The following SMARCE1 variants were observed in gnomAD, a reference collection of about 807,000 sequenced individuals.
SMARCE1 encodes the protein SWI/SNF related BAF chromatin remodeling complex subunit E1.
Under a neutral mutation model 54.9 loss-of-function variants are expected in SMARCE1, and 13 were observed. The observed-to-expected ratio is 0.24, with a 90% CI of 0.15 to 0.38. The LOEUF (loss-of-function observed/expected upper bound fraction) is 0.38, where lower values mean the gene tolerates loss of function less well. SMARCE1 is among the 10% of genes least tolerant of loss of function. The pLI is 1.00. For missense variants in SMARCE1, 295 were observed against 523.8 expected, an observed-to-expected ratio of 0.56 and a Z score of 4.26; for synonymous variants, 151 against 175.3, an observed-to-expected ratio of 0.86 and a Z score of 1.10.
intron 4 of SMARCE1, chr17:40,640,906 A>G (rs1479831687): frequency 6.6e-6 from 1 of 152,232 alleles, no homozygotes; most frequent in Non-Finnish European, 1.5e-5. Context: ...TAGGGAGTAC[A>G]CTTTCTCTTC....
intron 7 of SMARCE1, 48 bp downstream of exon 7, chr17:40,635,883 T>G: frequency 7.3e-7 from 1 of 1,371,022 alleles, no homozygotes; most frequent in Non-Finnish European, 9.8e-7. Flanking sequence ...TTCTCATATC[T>G]TAACTCACAG....
At chr17:40,636,293 G>T in intron 6 of SMARCE1, 102 bp downstream of exon 6, 1 of 1,285,412 alleles carries the variant, frequency 7.8e-7, no homozygotes, top group Non-Finnish European at 1.1e-6. Context: ...CCTCAGTACT[G>T]CATCAGTGTT....
intron 7 of SMARCE1, chr17:40,632,815 G>GC (rs1379559388): frequency 6.5e-6 from 1 of 153,432 alleles, no homozygotes; most frequent in Admixed American, 6.5e-5. Flanking sequence ...GAATGAAAAT[G>GC]CCCATTTGTA....
At chr17:40,634,755 T>C (rs1468101779) in intron 7 of SMARCE1, 6 of 152,200 alleles carry the variant, frequency 3.9e-5, no homozygotes. Flanking sequence ...CTACTTACGT[T>C]GCTAGCCTTT....
At chr17:40,637,264 G>GA in intron 5 of SMARCE1, 1 of 540,940 alleles carries the variant, frequency 1.8e-6, no homozygotes, top group South Asian at 2.1e-5. Flanking sequence ...AATGGCTATA[G>GA]AACATTCTAT....
chr17:40,644,015 G>C (rs1299039380), intron 3 of SMARCE1: 16 of 154,132 alleles, frequency 1.0e-4, no homozygotes, highest in Non-Finnish European at 1.5e-5. Context: ...AGAAGTAATG[G>C]AAAGAAAAAA....
At chr17:40,629,057 T>A (rs1358838625) in intron 10 of SMARCE1, 64 bp from the exon 11 acceptor site, 2 of 1,361,926 alleles carry the variant, frequency 1.5e-6, no homozygotes, top group African/African-American at 1.4e-5. Context: ...ATGCTGACAG[T>A]ATACAGCTGT....
rs1446409405 is a variant in SMARCE1 at position 40,642,931 on chromosome 17, A to G, written c.52-372T>C. ...AGCAATATATGAAGACTGAAATAGG[A>G]AGGCTTGAAGTGTGATCAACTAGAA... On this transcript the variant is annotated intron_variant, in intron 3 of 10. Transcript: ENST00000348513. This position sits in a 1 kb window ranked among gnomAD's most constrained non-coding sequence, Gnocchi z 4.6. 5.8e-6 allele frequency: 1 copy of G among 172,922 alleles called. No homozygotes were observed. Among genetic ancestry groups the G allele is most frequent in the Non-Finnish European group, 1.2e-5 (1 of 82,734 alleles). The allele number at this position is 172,922 out of a possible 1,614,324, so 10.7% of individuals were successfully genotyped here.
In SMARCE1 at chr17:40,626,482, A is replaced by G. The variant is rs546657247; in HGVS notation, c.*2303T>C. ...ACCTCTACCATATCCCACATTCTCT[A>G]AACTGAGAACCATCTCAAACATCAA... is the stretch of plus-strand genomic sequence containing the variant. On this transcript the variant is annotated 3_prime_UTR_variant, in exon 11 of 11. Coordinates refer to ENST00000348513, the MANE Select transcript of SMARCE1 (RefSeq NM_003079.5). The G allele has an allele frequency of 2.6e-5, 4 of 152,306 alleles. No individual in the cohort carries two copies. In the South Asian group the frequency reaches 8.3e-4, roughly 32 times the overall value. The allele number at this position is 152,306 out of a possible 1,614,324, so 9.4% of individuals were successfully genotyped here. A position where few individuals can be genotyped will look rare whatever the true frequency, so the allele number is the denominator to read the frequency against.
Position 40,629,009 on chromosome 17 carries a change from T to C in SMARCE1, c.1028-16A>G, listed in dbSNP as rs1202113438. 6.2e-7 allele frequency: 1 copy of C among 1,603,488 alleles called. No individual in the cohort carries two copies. The highest frequency in any genetic ancestry group is 1.3e-5 in the African/African-American group (1 of 74,698). On this transcript the variant is annotated splice_polypyrimidine_tract_variant and intron_variant, in intron 10 of 10. Transcript: ENST00000348513. ...TGTGTCTCCTCTGTAATCACACATT[T>C]GTCACTGTCAGTTCCAAGATGAAAT...
At chr17:40,636,663 C>CT (rs1392523737) in intron 5 of SMARCE1, 137 bp from the exon 6 acceptor site, 4 of 639,626 alleles carry the variant, frequency 6.3e-6, no homozygotes, top group African/African-American at 1.8e-5. Flanking sequence ...CATCAGCCTA[C>CT]TTCAAAAATT....
intron 6 of SMARCE1, 97 bp downstream of exon 6, chr17:40,636,298 A>G: frequency 7.5e-7 from 1 of 1,330,274 alleles, no homozygotes; most frequent in Admixed American, 1.8e-5. Context: ...GTACTGCATC[A>G]GTGTTCTGAC....
rs1350239548 is a variant in SMARCE1 at position 40,628,903 on chromosome 17, C to T, written c.1118G>A (p.Gly373Glu). The change falls in exon 11 of 11, where the codon GGG (glycine) becomes GAG (glutamate). Residue 373 changes from glycine to glutamate, a missense_variant. Physicochemically the swap from Gly to Glu is moderately conservative, Grantham distance 98. Coordinates refer to ENST00000348513, the MANE Select transcript of SMARCE1 (RefSeq NM_003079.5). ...TPEDKESGQE[G>E]VDSMAEEGTS... Reference sequence around the variant, plus strand: ...TCCTTCCTCTGCCATACTGTCGACCCCCTCCTGCCCACTCTCCTTGTCCTC... The same window carrying T: ...TCCTTCCTCTGCCATACTGTCGACCTCCTCCTGCCCACTCTCCTTGTCCTC... 1 of 1,613,806 alleles carries T rather than the reference C, an allele frequency of 6.2e-7. No homozygotes were observed. The highest frequency in any genetic ancestry group is 1.1e-5 in the South Asian group (1 of 91,072).
intron 3 of SMARCE1, 150 bp downstream of exon 3, chr17:40,645,423 ATTT>A: frequency 2.0e-6 from 1 of 496,032 alleles, no homozygotes; most frequent in South Asian, 4.1e-5. Flanking sequence ...GCAAATAATT[ATTT>A]TATTTAGTAG....
chr17:40,645,925 G>A (rs573084321), intron 1 of SMARCE1, 78 bp from the exon 2 acceptor site: 1 of 454,496 alleles, frequency 2.2e-6, no homozygotes, highest in Non-Finnish European at 3.8e-6. Flanking sequence ...TAATGAATAG[G>A]GTAATTTAAT....
rs1435313653 is a variant in SMARCE1, at chr17:40,642,837, T to A, written c.52-278A>T. 1.0e-5 allele frequency: 4 copies of A among 400,936 alleles called. No individual in the cohort carries two copies. The highest frequency in any genetic ancestry group is 8.3e-5 in the African/African-American group (4 of 47,926). The allele number at this position is 400,936 out of a possible 1,614,324, so 24.8% of individuals were successfully genotyped here. A position where few individuals can be genotyped will look rare whatever the true frequency, so the allele number is the denominator to read the frequency against. On this transcript the variant is annotated intron_variant, in intron 3 of 10. Coordinates refer to ENST00000348513, the MANE Select transcript of SMARCE1 (RefSeq NM_003079.5). The surrounding 1 kb of genome is among the most constrained non-coding windows in gnomAD (Gnocchi z 4.6). ...TGAATGTGTGTTTTGTTTTTTGAGG[T>A]AAGCAACACACTGAAGTGTTTAAAA...
Position 40,630,789 on chromosome 17 carries a change from T to C in SMARCE1, c.952A>G (p.Ile318Val), listed in dbSNP as rs770612142. The C allele has an allele frequency of 6.2e-7, 1 of 1,614,184 alleles. No homozygotes were observed. Among genetic ancestry groups the C allele is most frequent in the Non-Finnish European group, 8.5e-7 (1 of 1,180,038 alleles). ...GCTGCTTGTTCTTCCTCAGGAACGA[T>C]GCTGCTCTGACTGCGCTCAGCTTGC... ...AEQAERSQSS[I>V]VPEEEQAANK... The change falls in exon 10 of 11, where the codon ATC becomes GTC. Residue 318 changes from isoleucine to valine, a missense_variant. Physicochemically the swap from Ile to Val is conservative, Grantham distance 29. Around this residue, in one of 5 missense-constraint regions of SMARCE1, gnomAD observed 147 missense variants for 161.4 expected, o/e 0.91. Coordinates refer to ENST00000348513, the MANE Select transcript of SMARCE1 (RefSeq NM_003079.5).
Position 40,635,075 on chromosome 17 carries a change from T to C in SMARCE1, c.541+856A>G, listed in dbSNP as rs180826370. The C allele has an allele frequency of 5.3e-5, 8 of 152,166 alleles. No individual in the cohort carries two copies. In the East Asian group the frequency reaches 1.5e-3, roughly 29 times the overall value. The allele number at this position is 152,166 out of a possible 1,614,324, so 9.4% of individuals were successfully genotyped here. On this transcript the variant is annotated intron_variant, in intron 7 of 10. Coordinates refer to ENST00000348513, the MANE Select transcript of SMARCE1 (RefSeq NM_003079.5). Reference sequence around the variant, plus strand: ...TTATCAACTTATTCTTGTCTTCAGGTACTATTATTGCTTCCTCCCTCATTG... The same window carrying C: ...TTATCAACTTATTCTTGTCTTCAGGCACTATTATTGCTTCCTCCCTCATTG...
Position 40,625,951 on chromosome 17 carries a change from G to C in SMARCE1, c.*2834C>G, listed in dbSNP as rs886141298. On this transcript the variant is annotated 3_prime_UTR_variant, in exon 11 of 11. Coordinates refer to ENST00000348513, the MANE Select transcript of SMARCE1 (RefSeq NM_003079.5). ...TAGAAAATTGGGGGACTATGGGGCT[G>C]GGCGCGGTGGCTCACGCCTGTAATC... 3.9e-5 allele frequency: 6 copies of C among 152,254 alleles called. No individual in the cohort carries two copies. Among genetic ancestry groups the C allele is most frequent in the Non-Finnish European group, 8.8e-5 (6 of 68,076 alleles). 9.4% of individuals were successfully genotyped at this position (152,254 alleles called of 1,614,324 possible).
Sources: gnomAD v4.1 joint callset for allele counts on GRCh38, gnomAD v4.1.1 for gene constraint, gnomAD v4.1.1 regional missense constraint, Gnocchi (gnomAD v3.1) non-coding constraint, MANE v1.5 for transcripts, NCBI Gene and HGNC (gene_info 2026-07-23, HGNC 2026-07-21) for gene names.